The following KCNJ6 variants were observed in gnomAD, a reference collection of about 807,000 sequenced individuals.
The protein encoded by KCNJ6 is potassium inwardly rectifying channel subfamily J member 6.
A neutral mutation model predicts 34.2 loss-of-function variants in KCNJ6; 9 were observed. The observed-to-expected ratio is 0.26, with a 90% CI of 0.16 to 0.46. KCNJ6 has a LOEUF of 0.46. Among genes scored for constraint, KCNJ6 ranks in the 20% least tolerant of loss-of-function variants. The probability of loss-of-function intolerance (pLI) is 1.00; values close to 1 mark genes in which losing one functional copy is unlikely to be tolerated. For synonymous variants in KCNJ6, 196 were observed against 207.1 expected (o/e 0.95, Z 0.46); for missense variants, 236 against 531.3 (o/e 0.44, Z 5.46).
chr21:37,807,513 G>A (rs1214323351), intron 2 of KCNJ6, among the ~76,000 whole-genome samples: 1 of 152,190 alleles, frequency 6.6e-6, no homozygotes, highest in African/African-American at 2.4e-5. Context: ...CAGTGGTCCC[G>A]TAAGATTATA....
intron 2 of KCNJ6, among the ~76,000 whole-genome samples, chr21:37,761,153 G>A (rs1034256777): frequency 6.6e-6 from 1 of 151,374 alleles, no homozygotes; most frequent in African/African-American, 2.4e-5. Flanking sequence ...TATGTGTGGT[G>A]TGTGTGCTGT....
intron 2 of KCNJ6, among the ~76,000 whole-genome samples, chr21:37,836,449 T>C (rs755929533): frequency 6.6e-6 from 1 of 152,214 alleles, no homozygotes; most frequent in African/African-American, 2.4e-5. Flanking sequence ...CACGTGTTTA[T>C]TGTGGCACTG....
intron 3 of KCNJ6, among the ~76,000 whole-genome samples, chr21:37,641,967 G>A (rs990284324): frequency 2.6e-5 from 4 of 152,222 alleles, no homozygotes; most frequent in Admixed American, 1.3e-4. Context: ...GGGAAGAGCC[G>A]AGAAGGACAC....
intron 3 of KCNJ6, among the ~76,000 whole-genome samples, chr21:37,652,897 CTGAG>C (rs1371986258): frequency 5.9e-5 from 9 of 152,140 alleles, no homozygotes; most frequent in African/African-American, 2.2e-4. Context: ...TTTCAATTTC[CTGAG>C]TAAGTCCATT....
intron 3 of KCNJ6, among the ~76,000 whole-genome samples, chr21:37,638,285 T>C (rs942280160): frequency 2.6e-5 from 4 of 152,154 alleles, no homozygotes; most frequent in Non-Finnish European, 5.9e-5. Flanking sequence ...TAGCTGGGAT[T>C]AGAGGCGTGT....
chr21:37,655,174 G>T, intron 3 of KCNJ6, among the ~76,000 whole-genome samples: 1 of 132,608 alleles, frequency 7.5e-6, no homozygotes, highest in Admixed American at 7.3e-5. Flanking sequence ...TCACACTCTA[G>T]ACATTTGTGT....
intron 2 of KCNJ6, among the ~76,000 whole-genome samples, chr21:37,766,360 T>C (rs975029828): frequency 6.6e-6 from 1 of 152,100 alleles, no homozygotes; most frequent in Non-Finnish European, 1.5e-5. Context: ...GGGTTGTCAC[T>C]AGGCTAAAAA....
chr21:37,687,687 C>T (rs2054621760), intron 3 of KCNJ6, among the ~76,000 whole-genome samples: 1 of 152,188 alleles, frequency 6.6e-6, no homozygotes, highest in Non-Finnish European at 1.5e-5. Context: ...GCTTTGGTCT[C>T]CTCTGGTCTG....
At chr21:37,850,195 G>T (rs2055530348) in intron 1 of KCNJ6, among the ~76,000 whole-genome samples, 1 of 152,086 alleles carries the variant, frequency 6.6e-6, no homozygotes, top group South Asian at 2.1e-4. Flanking sequence ...TCAGAGGTAG[G>T]TTGCGGGGTG....
At chr21:37,812,871 C>T (rs1356782915) in intron 2 of KCNJ6, among the ~76,000 whole-genome samples, 1 of 152,202 alleles carries the variant, frequency 6.6e-6, no homozygotes, top group African/African-American at 2.4e-5. Flanking sequence ...AGGATGCCCA[C>T]TTTCACCAAT....
intron 2 of KCNJ6, among the ~76,000 whole-genome samples, chr21:37,782,036 T>C (rs1271491405): frequency 7.2e-5 from 11 of 152,198 alleles, no homozygotes; most frequent in African/African-American, 2.7e-4. Flanking sequence ...TATCCGGGAT[T>C]ACCCAAGTGG....
chr21:37,876,437 C>T (rs1457016292), intron 1 of KCNJ6, among the ~76,000 whole-genome samples: 1 of 152,128 alleles, frequency 6.6e-6, no homozygotes, highest in South Asian at 2.1e-4. Context: ...ACTATCCATG[C>T]TTTCCTATTA....
At chr21:37,790,801 A>G (rs2055213143) in intron 2 of KCNJ6, among the ~76,000 whole-genome samples, 1 of 152,224 alleles carries the variant, frequency 6.6e-6, no homozygotes, top group South Asian at 2.1e-4. Flanking sequence ...CTTTGTAAAC[A>G]GGACTGAAAC....
At chr21:37,846,082 T>C (rs2055505787) in intron 1 of KCNJ6, among the ~76,000 whole-genome samples, 1 of 152,198 alleles carries the variant, frequency 6.6e-6, no homozygotes, top group African/African-American at 2.4e-5. Flanking sequence ...GGTAGAGCAT[T>C]GACTTTCAGG....
intron 1 of KCNJ6, among the ~76,000 whole-genome samples, chr21:37,888,043 A>C (rs2055744137): frequency 6.6e-6 from 1 of 152,102 alleles, no homozygotes. Flanking sequence ...ATGAGATGCC[A>C]TGGGACTCCT....
intron 2 of KCNJ6, among the ~76,000 whole-genome samples, chr21:37,773,735 C>A (rs1241611333): frequency 2.6e-5 from 4 of 152,160 alleles, no homozygotes; most frequent in Non-Finnish European, 5.9e-5. Flanking sequence ...CCAGGGCTGA[C>A]AGTACTAAGA....
chr21:37,794,588 C>T (rs577395402), intron 2 of KCNJ6, among the ~76,000 whole-genome samples: 3 of 152,256 alleles, frequency 2.0e-5, no homozygotes, highest in South Asian at 2.1e-4. Flanking sequence ...GTGTAATAAC[C>T]TTTTAAAAAA....
rs2054276012 is a variant in KCNJ6, at chr21:37,617,285, C to G, written c.*7874G>C. The stretch of plus-strand genomic sequence containing the variant: ...CCAGGCTGGAGTGCAGTGGCATGAT[C>G]TCAGCTTACTGCAACCTCCCCCTCC... On this transcript the variant is annotated 3_prime_UTR_variant, in exon 4 of 4. Coordinates refer to ENST00000609713, the MANE Select transcript of KCNJ6 (RefSeq NM_002240.5). The G allele has an allele frequency of 6.6e-6, 1 of 151,108 alleles. No individual in the cohort carries two copies. Among genetic ancestry groups the G allele is most frequent in the Non-Finnish European group, 1.5e-5 (1 of 67,980 alleles). 9.4% of individuals were successfully genotyped at this position (151,108 alleles called of 1,614,324 possible).
rs1344892661 is a variant in KCNJ6 at position 37,914,005 on chromosome 21, C to CGG, written c.-28+1877_-28+1878dup. On this transcript the variant is annotated intron_variant, in intron 1 of 3. Transcript: ENST00000609713. Reference sequence around the variant, plus strand: ...CTAGCAACCCTCGTCAGAGGCGGATCGGGGTGTGTGTGTGTGTGTGTGTGT... The same window carrying CGG: ...CTAGCAACCCTCGTCAGAGGCGGATCGGGGGGTGTGTGTGTGTGTGTGTGTGT... 2.1e-3 allele frequency among the ~76,000 whole-genome samples: 163 copies of CGG among 78,506 alleles called. 2 individuals carry two copies. The South Asian group carries it at 0.056, about 27-fold the overall frequency. 51.5% of individuals were successfully genotyped at this position (78,506 alleles called of 152,430 possible). A position where few individuals can be genotyped will look rare whatever the true frequency, so the allele number is the denominator to read the frequency against.
Sources: gnomAD v4.1 joint callset for allele counts (sites outside exome capture counted in the v4.1 genomes callset) on GRCh38, gnomAD v4.1.1 for gene constraint, MANE v1.5 for transcripts, NCBI Gene and HGNC (gene_info 2026-07-23, HGNC 2026-07-21) for gene names.